CENPK: variants seen among roughly 807,000 people sequenced by gnomAD.
CENPK encodes SoxLZ/Sox6-binding protein Solt.
In CENPK, 46 loss-of-function variants were observed where a neutral mutation model predicts 40.9. The ratio of observed to expected loss-of-function variants is 1.13; its 90% CI spans 0.89 to 1.44. The LOEUF is 1.44. Among genes scored for constraint, CENPK ranks in the 40% most tolerant of loss-of-function variants. The pLI, the probability that CENPK is intolerant of heterozygous loss-of-function variation, is 0.00. For missense variants in CENPK, 288 were observed against 303.5 expected (o/e 0.95, Z 0.38); for synonymous variants, 107 against 104.4 (o/e 1.02, Z -0.15).
intron 9 of CENPK, among the ~76,000 whole-genome samples, chr5:65,522,913 C>T (rs557483453): frequency 1.2e-4 from 18 of 152,170 alleles, no homozygotes; most frequent in Non-Finnish European, 1.9e-4. Flanking sequence ...GAATTCTATT[C>T]ATTAAATTTA....
intron 6 of CENPK, among the ~76,000 whole-genome samples, chr5:65,539,798 C>T (rs947864266): frequency 6.6e-6 from 1 of 152,228 alleles, no homozygotes; most frequent in African/African-American, 2.4e-5. Flanking sequence ...TGGAACCAGC[C>T]ATTTCCCCTG....
chr5:65,498,231 T>G, the CENPK span, among the ~76,000 whole-genome samples: 2 of 152,092 alleles, frequency 1.3e-5, no homozygotes, highest in African/African-American at 4.8e-5. Flanking sequence ...CTCTCTAATG[T>G]TATGTAAATA....
chr5:65,526,721 G>C (rs1414007926), intron 9 of CENPK, among the ~76,000 whole-genome samples: 1 of 152,164 alleles, frequency 6.6e-6, no homozygotes, highest in Non-Finnish European at 1.5e-5. Flanking sequence ...GCTGTGTGGA[G>C]GCTGAGGCGG....
the CENPK span, among the ~76,000 whole-genome samples, chr5:65,499,674 T>C: frequency 6.1e-5 from 9 of 147,912 alleles, no homozygotes; most frequent in African/African-American, 2.2e-4. Context: ...TTAATTTTTT[T>C]TTTTTTATTA....
At chr5:65,504,605 T>C in the CENPK span, among the ~76,000 whole-genome samples, 2 of 152,320 alleles carry the variant, frequency 1.3e-5, no homozygotes, top group South Asian at 2.1e-4. Context: ...CTGTTTTTTT[T>C]CCCACTATGA....
At position 65,521,444 on chromosome 5, in the gene CENPK, C is replaced by G. The variant is rs374998092; in HGVS notation, c.651+31G>C. On this transcript the variant is annotated intron_variant, in intron 10 of 10. Coordinates refer to ENST00000396679, the MANE Select transcript of CENPK (RefSeq NM_022145.5). ...TGTTCACAAATGACTAAGACAGCTT[C>G]AAGACAAAACAAACTACACAAAACA... 2.9e-5 allele frequency: 46 copies of G among 1,573,520 alleles called. No individual in the cohort carries two copies. The African/African-American group carries it at 5.8e-4, about 20-fold the overall frequency.
At chr5:65,551,114 G>A (rs1309721379) in intron 5 of CENPK, 1 of 357,316 alleles carries the variant, frequency 2.8e-6, no homozygotes, top group Non-Finnish European at 5.4e-6. Flanking sequence ...ACCAAGCATG[G>A]TGGCACACAC....
At chr5:65,514,727 T>G (rs1055280306), downstream of CENPK, among the ~76,000 whole-genome samples, 1 of 152,238 alleles carries the variant, frequency 6.6e-6, no homozygotes, top group Non-Finnish European at 1.5e-5. Flanking sequence ...TCATAATTGA[T>G]TCAATTTATT....
At chr5:65,514,910 C>T (rs1459491993), downstream of CENPK, among the ~76,000 whole-genome samples, 1 of 152,044 alleles carries the variant, frequency 6.6e-6, no homozygotes, top group Non-Finnish European at 1.5e-5. Context: ...GTAATAATGG[C>T]ACCTCTTTTC....
In CENPK at chr5:65,518,548, A is replaced by G; in HGVS notation, c.737T>C (p.Leu246Pro). The G allele has an allele frequency of 6.2e-7, 1 of 1,613,582 alleles. No homozygotes were observed. The highest frequency in any genetic ancestry group is 8.5e-7 in the Non-Finnish European group (1 of 1,179,696). Residue 246 changes from leucine (L) to proline (P), a missense_variant, in exon 11 of 11, where the codon CTG (leucine) becomes CCG (proline). By Grantham distance (98) the Leu-to-Pro change is moderately conservative. Coordinates refer to ENST00000396679, the MANE Select transcript of CENPK (RefSeq NM_022145.5). Reference sequence around the variant, plus strand: ...TCTCAAGGCAATTCCATTACGCAGCAGCAGCTCAACATAAGGTGGCCAAAA... The same window carrying G: ...TCTCAAGGCAATTCCATTACGCAGCGGCAGCTCAACATAAGGTGGCCAAAA... ...DSFWPPYVELLLRNGIALRHP... is the reference protein window; with the variant it reads ...DSFWPPYVELPLRNGIALRHP...
chr5:65,551,515 T>C (rs1750040592), intron 5 of CENPK, 49 bp downstream of exon 5: 2 of 955,190 alleles, frequency 2.1e-6, no homozygotes, highest in Non-Finnish European at 3.1e-6. Context: ...TAAATTAATT[T>C]GCTATTAATA....
At chr5:65,561,593 T>C (rs1751971541) in intron 1 of CENPK, 29 bp from the exon 2 acceptor site, 1 of 396,098 alleles carries the variant, frequency 2.5e-6, no homozygotes, top group African/African-American at 2.9e-5. Context: ...AGTTGTTTAA[T>C]TAAAACACAC....
intron 5 of CENPK, among the ~76,000 whole-genome samples, chr5:65,546,037 T>C (rs576890013): frequency 6.6e-6 from 1 of 152,368 alleles, no homozygotes; most frequent in East Asian, 1.9e-4. Flanking sequence ...TTTTTAACTT[T>C]TCTTTAAGTT....
At chr5:65,531,158 C>T (rs1443977173) in intron 6 of CENPK, among the ~76,000 whole-genome samples, 3 of 152,012 alleles carry the variant, frequency 2.0e-5, no homozygotes, top group Non-Finnish European at 4.4e-5. Context: ...CCTCTGCTCC[C>T]AACCCTCCCT....
chr5:65,536,637 T>A (rs905215530), intron 6 of CENPK, among the ~76,000 whole-genome samples: 2 of 136,722 alleles, frequency 1.5e-5, no homozygotes, highest in East Asian at 2.5e-4. Context: ...AAAAAATATA[T>A]ATATATGTAG....
At chr5:65,512,011 T>G in the CENPK span, among the ~76,000 whole-genome samples, 2 of 152,164 alleles carry the variant, frequency 1.3e-5, no homozygotes, top group Non-Finnish European at 2.9e-5. Context: ...AACAGGAGTG[T>G]GCAAGAGGTT....
chr5:65,530,275 T>C (rs1016319735), intron 6 of CENPK, among the ~76,000 whole-genome samples: 1 of 152,004 alleles, frequency 6.6e-6, no homozygotes, highest in African/African-American at 2.4e-5. Flanking sequence ...ATCCAGACGT[T>C]TACTCCAGCA....
At chr5:65,531,603 A>G (rs530410257) in intron 6 of CENPK, among the ~76,000 whole-genome samples, 28 of 151,762 alleles carry the variant, frequency 1.8e-4, no homozygotes, top group African/African-American at 6.3e-4. Context: ...TCCCGGGTTC[A>G]AGTGATTCTC....
At chr5:65,534,657 G>A (rs770525360) in intron 6 of CENPK, among the ~76,000 whole-genome samples, 3 of 152,102 alleles carry the variant, frequency 2.0e-5, no homozygotes, top group Admixed American at 6.5e-5. Context: ...AACAAATACC[G>A]CTGGAACAGT....
Sources: gnomAD v4.1 joint callset for allele counts (sites outside exome capture counted in the v4.1 genomes callset) on GRCh38, gnomAD v4.1.1 for gene constraint, MANE v1.5 for transcripts, NCBI Gene and HGNC (gene_info 2026-07-23, HGNC 2026-07-21) for gene names.